FBLN1: variants seen among roughly 807,000 people sequenced by gnomAD.
FBLN1 encodes fibulin-1.
A neutral mutation model predicts 89.7 loss-of-function variants in FBLN1; 34 were observed. The ratio of observed to expected loss-of-function variants is 0.38; its 90% CI spans 0.29 to 0.50. FBLN1 has a LOEUF of 0.50. Ranked by LOEUF, FBLN1 falls within the 20% of genes least tolerant of loss-of-function variation. The probability of loss-of-function intolerance (pLI) is 0.92; values close to 1 mark genes in which losing one functional copy is unlikely to be tolerated. For synonymous variants in FBLN1, 393 were observed against 391.3 expected, an observed-to-expected ratio of 1.00 and a Z score of -0.05; for missense variants, 777 against 988.1, an observed-to-expected ratio of 0.79 and a Z score of 2.86.
rs1602200385 is a variant in FBLN1, at chr22:45,550,201, A to G, written c.1574-291A>G. ...ATTGAGTTCTTAGGAGGATTCAGTG[A>G]CTTATCCTTGCGAGGTACTCCCAGG... On this transcript the variant is annotated intron_variant, in intron 13 of 16. Coordinates refer to ENST00000327858, the MANE Select transcript of FBLN1 (RefSeq NM_006486.3). The surrounding 1 kb of genome is among the most constrained non-coding windows in gnomAD (Gnocchi z 8.4). 6.6e-6 allele frequency among the ~76,000 whole-genome samples: 1 copy of G among 152,174 alleles called. No individual in the cohort carries two copies. Among genetic ancestry groups the G allele is most frequent in the Non-Finnish European group, 1.5e-5 (1 of 68,016 alleles).
chr22:45,533,464 C>T (rs1602183255), intron 6 of FBLN1, among the ~76,000 whole-genome samples: 1 of 152,344 alleles, frequency 6.6e-6, no homozygotes, highest in Non-Finnish European at 1.5e-5. Flanking sequence ...CCTCTCCTGG[C>T]CCCCGCGTCT....
At chr22:45,595,489 C>CA (rs1218986305) in intron 16 of FBLN1, among the ~76,000 whole-genome samples, 3 of 152,182 alleles carry the variant, frequency 2.0e-5, no homozygotes, top group African/African-American at 7.2e-5. Flanking sequence ...CCTTCCCCTT[C>CA]ACAGCACCCT....
chr22:45,525,024 C>T (rs960800518), intron 2 of FBLN1, among the ~76,000 whole-genome samples: 6 of 151,792 alleles, frequency 4.0e-5, no homozygotes, highest in Non-Finnish European at 2.9e-5. Context: ...GCAGAGGCTG[C>T]AGTGAGCTGA....
At chr22:45,542,666 A>C (rs1298876246) in intron 10 of FBLN1, among the ~76,000 whole-genome samples, 1 of 152,192 alleles carries the variant, frequency 6.6e-6, no homozygotes, top group East Asian at 1.9e-4. Flanking sequence ...CAGGGCAGCG[A>C]GGGGAAAAGT....
rs138580627 is a variant in FBLN1 at position 45,535,297 on chromosome 22, C to G, written c.882C>G (p.Cys294Trp). The G allele has an allele frequency of 6.2e-7, 1 of 1,613,984 alleles. No individual in the cohort carries two copies. The highest frequency in any genetic ancestry group is 8.5e-7 in the Non-Finnish European group (1 of 1,179,974). ...GSFRCRPKLQ[C>W]KSGFIQDALG... ...TCCGCTGCCGACCCAAGCTACAGTG[C>G]AAGAGTGGCTTTATACAAGATGCTC... The change falls in exon 8 of 17, where the codon TGC (cysteine) becomes TGG (tryptophan). Residue 294 changes from cysteine (C) to tryptophan (W), a missense_variant. Physicochemically the swap from Cys to Trp is radical, Grantham distance 215. Coordinates refer to ENST00000327858, the MANE Select transcript of FBLN1 (RefSeq NM_006486.3).
At chr22:45,552,052 G>A (rs950294296) in intron 14 of FBLN1, among the ~76,000 whole-genome samples, 7 of 152,350 alleles carry the variant, frequency 4.6e-5, no homozygotes, top group African/African-American at 1.7e-4. Flanking sequence ...CCCTCATGTT[G>A]GCTGTGGAAG....
intron 16 of FBLN1, among the ~76,000 whole-genome samples, chr22:45,582,119 AG>A (rs1326928227): frequency 1.3e-5 from 2 of 152,232 alleles, no homozygotes; most frequent in Non-Finnish European, 2.9e-5. Flanking sequence ...AGGATCTCCC[AG>A]CCAGGAAGTG....
At position 45,562,290 on chromosome 22, in the gene FBLN1, G is replaced by C. The variant is rs904274679; in HGVS notation, c.1697+11675G>C. 6.6e-6 allele frequency among the ~76,000 whole-genome samples: 1 copy of C among 152,202 alleles called. No homozygotes were observed. The highest frequency in any genetic ancestry group is 2.4e-5 in the African/African-American group (1 of 41,446). On this transcript the variant is annotated intron_variant, in intron 14 of 16. Coordinates refer to ENST00000327858, the MANE Select transcript of FBLN1 (RefSeq NM_006486.3). This position sits in a 1 kb window ranked among gnomAD's most constrained non-coding sequence, Gnocchi z 7.8. ...GCTTAGTGACAAGGAACTGGGAACT[G>C]ACCTCAATGGCTGAGTAGCGATATG...
In FBLN1 at chr22:45,575,166, G is replaced by A. The variant is rs1002530703; in HGVS notation, c.1840+513G>A. On this transcript the variant is annotated intron_variant, in intron 15 of 16. Coordinates refer to ENST00000327858, the MANE Select transcript of FBLN1 (RefSeq NM_006486.3). The surrounding 1 kb of genome is among the most constrained non-coding windows in gnomAD (Gnocchi z 6.3). ...GCATTTGGCCCATTCTCAGCTTTCC[G>A]TTCAGGTGGTCTTTTCTTATGGGTA... 2.0e-5 allele frequency among the ~76,000 whole-genome samples: 3 copies of A among 152,116 alleles called. No homozygotes were observed. The highest frequency in any genetic ancestry group is 2.9e-5 in the Non-Finnish European group (2 of 68,032).
chr22:45,556,713 T>TTAAA lies in FBLN1; in HGVS notation c.1697+6099_1697+6102dup, dbSNP rs1257200747. Among the ~76,000 whole-genome samples, 2 of 152,162 alleles carry TTAAA rather than the reference T, an allele frequency of 1.3e-5. No individual in the cohort carries two copies. Among genetic ancestry groups the TTAAA allele is most frequent in the South Asian group, 4.2e-4 (2 of 4,818 alleles). ...GTAACTCCCTTCTTAGCCTGTTGAC[T>TTAAA]TAAAGGTAGGAGGAGCTTCAAGTGT... On this transcript the variant is annotated intron_variant, in intron 14 of 16. Transcript: ENST00000327858. The surrounding 1 kb of genome is among the most constrained non-coding windows in gnomAD (Gnocchi z 4.6).
chr22:45,544,854 G>C (rs143674202), intron 11 of FBLN1, among the ~76,000 whole-genome samples: 198 of 152,260 alleles, frequency 1.3e-3, no homozygotes, highest in African/African-American at 4.7e-3. Flanking sequence ...TGTCAGCCCA[G>C]GGCCTGGCAC....
rs537825829 is a variant in FBLN1, at chr22:45,580,560, GGA to G, written c.1972+3458_1972+3459del. On this transcript the variant is annotated intron_variant, in intron 16 of 16. Coordinates refer to ENST00000327858, the MANE Select transcript of FBLN1 (RefSeq NM_006486.3). The surrounding 1 kb of genome is among the most constrained non-coding windows in gnomAD (Gnocchi z 8.6). ...CGGTGGGATTATCTCCTCTAACAAA[GGA>G]GAGAGCGAGAGCCAGAGAGGGCAAG... Among the ~76,000 whole-genome samples the G allele has an allele frequency of 1.8e-3, 274 of 152,328 alleles. 1 individual carries two copies. Among genetic ancestry groups the G allele is most frequent in the African/African-American group, 6.2e-3 (257 of 41,582 alleles).
intron 14 of FBLN1, among the ~76,000 whole-genome samples, chr22:45,568,891 G>C (rs2088927409): frequency 6.6e-6 from 1 of 152,220 alleles, no homozygotes; most frequent in Non-Finnish European, 1.5e-5. Flanking sequence ...TCAGCCCCTG[G>C]TGGTTTGTTG....
chr22:45,518,127 CAAAAAAAAA>C (rs136717), intron 1 of FBLN1, among the ~76,000 whole-genome samples: 4,292 of 122,686 alleles, frequency 0.035, 203 homozygotes, highest in African/African-American at 0.12. Flanking sequence ...GACTCTGTCT[CAAAAAAAAA>C]AAAAAAGAAA....
chr22:45,578,585 C>T lies in FBLN1; in HGVS notation c.1972+1477C>T, dbSNP rs970419816. Among the ~76,000 whole-genome samples the T allele has an allele frequency of 6.6e-6, 1 of 151,854 alleles. No homozygotes were observed. Among genetic ancestry groups the T allele is most frequent in the Non-Finnish European group, 1.5e-5 (1 of 67,986 alleles). On this transcript the variant is annotated intron_variant, in intron 16 of 16. Coordinates refer to ENST00000327858, the MANE Select transcript of FBLN1 (RefSeq NM_006486.3). This position sits in a 1 kb window ranked among gnomAD's most constrained non-coding sequence, Gnocchi z 4.6. ...GATGAAGACAGCCTTGAGGGTCCTT[C>T]AGGCCCCTGTGCAGGAGGGCAGGCA...
chr22:45,566,227 G>A (rs2088900716), intron 14 of FBLN1, among the ~76,000 whole-genome samples: 3 of 152,222 alleles, frequency 2.0e-5, no homozygotes, highest in Non-Finnish European at 2.9e-5. Context: ...AAACCTCTCA[G>A]GGGCTTTGGA....
chr22:45,548,453 G>A (rs533369943), intron 12 of FBLN1, among the ~76,000 whole-genome samples, 160 bp from the exon 13 acceptor site: 1 of 152,270 alleles, frequency 6.6e-6, no homozygotes, highest in African/African-American at 2.4e-5. Flanking sequence ...TAGTCCCATC[G>A]CCTCTCTGAG....
intron 16 of FBLN1, among the ~76,000 whole-genome samples, chr22:45,596,588 A>G (rs2089187997): frequency 6.7e-6 from 1 of 149,690 alleles, no homozygotes. Flanking sequence ...ACATATATCA[A>G]CATAAGAATA....
chr22:45,577,222 C>A lies in FBLN1; in HGVS notation c.1972+114C>A. The A allele has an allele frequency of 1.6e-6, 2 of 1,256,920 alleles. No individual in the cohort carries two copies. The highest frequency in any genetic ancestry group is 2.3e-6 in the Non-Finnish European group (2 of 882,276). The allele number at this position is 1,256,920 out of a possible 1,614,324, so 77.9% of individuals were successfully genotyped here. A position where few individuals can be genotyped will look rare whatever the true frequency, so the allele number is the denominator to read the frequency against. On this transcript the variant is annotated intron_variant, in intron 16 of 16. Coordinates refer to ENST00000327858, the MANE Select transcript of FBLN1 (RefSeq NM_006486.3). The surrounding 1 kb of genome is among the most constrained non-coding windows in gnomAD (Gnocchi z 6.6). Reference sequence around the variant, plus strand: ...TCCCCTCCCCAAATTCAAGCCCACCCAACCTTCAGGGCCCAGCGCCGAGGC... The same window carrying A: ...TCCCCTCCCCAAATTCAAGCCCACCAAACCTTCAGGGCCCAGCGCCGAGGC...
Sources: gnomAD v4.1 joint callset for allele counts (sites outside exome capture counted in the v4.1 genomes callset) on GRCh38, gnomAD v4.1.1 for gene constraint, Gnocchi (gnomAD v3.1) non-coding constraint, MANE v1.5 for transcripts, NCBI Gene and HGNC (gene_info 2026-07-23, HGNC 2026-07-21) for gene names.